The following RPS6KA2 variants were observed in gnomAD, a reference collection of about 807,000 sequenced individuals.
RPS6KA2 encodes the protein ribosomal protein S6 kinase A2, also known as ribosomal protein S6 kinase alpha-2.
In RPS6KA2, 42 loss-of-function variants were observed where a neutral mutation model predicts 91.8. That is an observed-to-expected ratio of 0.46 (90% CI 0.36 to 0.59). RPS6KA2 has a LOEUF of 0.59. RPS6KA2 is among the 20% of genes least tolerant of loss of function. The pLI is 0.00. For missense variants in RPS6KA2, 798 were observed against 978.5 expected, an observed-to-expected ratio of 0.82 and a Z score of 2.46; for synonymous variants, 414 against 393.6, an observed-to-expected ratio of 1.05 and a Z score of -0.61.
At chr6:166,544,721 C>T (rs1583264009) in intron 1 of RPS6KA2, 1 of 152,258 alleles carries the variant, frequency 6.6e-6, no homozygotes, top group South Asian at 2.1e-4. Flanking sequence ...ACTCTGGGGC[C>T]TTCTCTGCCC....
intron 2 of RPS6KA2, among the ~76,000 whole-genome samples, chr6:166,780,855 C>T (rs544066288): frequency 1.3e-3 from 192 of 152,272 alleles, no homozygotes; most frequent in Non-Finnish European, 1.9e-3. Flanking sequence ...TGGACAAGAC[C>T]TTTTAAAAAA....
chr6:166,818,068 T>C (rs1779815732), intron 2 of RPS6KA2, among the ~76,000 whole-genome samples: 1 of 152,160 alleles, frequency 6.6e-6, no homozygotes, highest in Non-Finnish European at 1.5e-5. Flanking sequence ...TGACATTTCA[T>C]CTATCACTAT....
rs115435501 is a variant in RPS6KA2 at position 166,773,849 on chromosome 6, C to T, written c.123+84351G>A. ...AAACTACCGTTGAGATGACATAAAA[C>T]GCTTTGTGCAAATGATCGTCCTCCA... On this transcript the variant is annotated intron_variant, in intron 2 of 21. Transcript: ENST00000503859. 4.8e-3 allele frequency among the ~76,000 whole-genome samples: 737 copies of T among 152,294 alleles called. 3 individuals are homozygous for T. Among genetic ancestry groups the T allele is most frequent in the African/African-American group, 0.017 (701 of 41,562 alleles).
chr6:166,570,500 A>G (rs1164760812), intron 1 of RPS6KA2, among the ~76,000 whole-genome samples: 2 of 152,260 alleles, frequency 1.3e-5, no homozygotes, highest in Admixed American at 1.3e-4. Context: ...ATTGCCACCA[A>G]TACTTAAAAC....
In RPS6KA2 at chr6:166,770,075, T is replaced by C. The variant is rs557365878; in HGVS notation, c.123+88125A>G. Among the ~76,000 whole-genome samples, 1 of 152,278 alleles carries C rather than the reference T, an allele frequency of 6.6e-6. No homozygotes were observed. Among genetic ancestry groups the C allele is most frequent in the South Asian group, 2.1e-4 (1 of 4,826 alleles). On this transcript the variant is annotated intron_variant, in intron 2 of 21. Transcript: ENST00000503859. The surrounding 1 kb of genome is among the most constrained non-coding windows in gnomAD (Gnocchi z 5.1). ...CAGAAACCAACTTCCAATGACCCGTTTGGCACCTACAAGGAGCAGGCCCAT... is the reference window on the plus strand; with the variant it reads ...CAGAAACCAACTTCCAATGACCCGTCTGGCACCTACAAGGAGCAGGCCCAT...
intron 2 of RPS6KA2, among the ~76,000 whole-genome samples, chr6:166,698,630 C>A (rs1332813372): frequency 6.6e-6 from 1 of 152,090 alleles, no homozygotes; most frequent in Non-Finnish European, 1.5e-5. Context: ...GTGATTTTCC[C>A]CAATGATCAA....
In RPS6KA2 at chr6:166,430,551, G is replaced by A. The variant is rs143535940; in HGVS notation, c.1483C>T (p.Leu495=). The stretch of plus-strand genomic sequence containing the variant: ...TATCTCTGCCGGAGGATGCGGTCCA[G>A]GAGCTCCCCACCACGCATCAGCTCC... The part of the protein sequence containing the change: ...VMELMRGGEL[L]DRILRQRYFS... The change falls in exon 16 of 21, where the codon CTG becomes TTG. Residue 495 remains leucine, a synonymous_variant. Coordinates refer to ENST00000265678, the MANE Select transcript of RPS6KA2 (RefSeq NM_021135.6). The A allele has an allele frequency of 1.2e-4, 194 of 1,614,032 alleles. No individual in the cohort carries two copies. The African/African-American group carries it at 2.4e-3, about 20-fold the overall frequency.
chr6:166,433,662 C>T lies in RPS6KA2; in HGVS notation c.1333-1172G>A, dbSNP rs535829923. ...TTTAAAATAGTCTCTATTTGGAGAC[C>T]GTGCAGTCATTTTACTACTAGAATA... On this transcript the variant is annotated intron_variant, in intron 14 of 20. Coordinates refer to ENST00000265678, the MANE Select transcript of RPS6KA2 (RefSeq NM_021135.6). The surrounding 1 kb of genome is among the most constrained non-coding windows in gnomAD (Gnocchi z 4.4). 3.9e-5 allele frequency among the ~76,000 whole-genome samples: 6 copies of T among 152,302 alleles called. No individual in the cohort carries two copies. Among genetic ancestry groups the T allele is most frequent in the East Asian group, 3.9e-4 (2 of 5,190 alleles).
chr6:166,703,349 G>A (rs1383349544), intron 2 of RPS6KA2, among the ~76,000 whole-genome samples: 8 of 152,220 alleles, frequency 5.3e-5, no homozygotes, highest in African/African-American at 1.9e-4. Context: ...TGCATGGGAG[G>A]GGTGCTCGCT....
rs191235161 is a variant in RPS6KA2, at chr6:166,670,290, C to T, written c.124-131506G>A. On this transcript the variant is annotated intron_variant, in intron 2 of 21. Transcript: ENST00000503859. ...TGGTGAGGCTGTAAGCCCTGCAACA[C>T]GCGCATGAGTGAATTTGGGAGTGAT... Among the ~76,000 whole-genome samples, 48 of 152,346 alleles carry T rather than the reference C, an allele frequency of 3.2e-4. No homozygotes were observed. The East Asian group carries it at 6.6e-3, about 21-fold the overall frequency.
chr6:166,462,645 G>A lies in RPS6KA2; in HGVS notation c.973-3094C>T, dbSNP rs114112912. Among the ~76,000 whole-genome samples, 443 of 152,306 alleles carry A rather than the reference G, an allele frequency of 2.9e-3. 4 individuals carry two copies. The highest frequency in any genetic ancestry group is 0.01 in the African/African-American group (418 of 41,558). ...CCTAGCCCGGTGCTGCGAGTCACCT[G>A]GGATGCCCAGTGAGGAGGTCCTAAG... On this transcript the variant is annotated intron_variant, in intron 11 of 20. Transcript: ENST00000265678.
At chr6:166,530,196 A>G (rs1402863663) in intron 3 of RPS6KA2, among the ~76,000 whole-genome samples, 1 of 152,214 alleles carries the variant, frequency 6.6e-6, no homozygotes, top group African/African-American at 2.4e-5. Context: ...TTCACATCTC[A>G]GAGCCTCATG....
At chr6:166,617,879 C>A (rs985297393) in intron 1 of RPS6KA2, among the ~76,000 whole-genome samples, 4 of 152,242 alleles carry the variant, frequency 2.6e-5, no homozygotes, top group African/African-American at 4.8e-5. Context: ...TCCTTCTGCA[C>A]AAGCTTCACC....
At chr6:166,738,822 T>C (rs1341034745) in intron 2 of RPS6KA2, among the ~76,000 whole-genome samples, 1 of 152,210 alleles carries the variant, frequency 6.6e-6, no homozygotes, top group Non-Finnish European at 1.5e-5. Context: ...CAATGGAATC[T>C]GCCACTAAGA....
chr6:166,647,960 TTACA>T (rs1407020797), intron 2 of RPS6KA2, among the ~76,000 whole-genome samples: 19 of 75,896 alleles, frequency 2.5e-4, no homozygotes, highest in African/African-American at 8.6e-4. Flanking sequence ...ATGCACATGC[TTACA>T]TACATACACA....
At chr6:166,685,009 G>A (rs1788961715) in intron 2 of RPS6KA2, among the ~76,000 whole-genome samples, 1 of 152,240 alleles carries the variant, frequency 6.6e-6, no homozygotes, top group African/African-American at 2.4e-5. Context: ...CTTGCAGGAA[G>A]AGGGAGATGT....
chr6:166,735,065 G>A (rs1790638495), intron 2 of RPS6KA2, among the ~76,000 whole-genome samples: 1 of 152,112 alleles, frequency 6.6e-6, no homozygotes, highest in Non-Finnish European at 1.5e-5. Context: ...AGACCATCTT[G>A]GATTAAGTTT....
chr6:166,800,528 C>T (rs1779341294), intron 2 of RPS6KA2, among the ~76,000 whole-genome samples: 1 of 152,192 alleles, frequency 6.6e-6, no homozygotes, highest in Non-Finnish European at 1.5e-5. Context: ...GGCCCTTCCA[C>T]CTCCTGTCAT....
At position 166,781,583 on chromosome 6, in the gene RPS6KA2, G is replaced by A. The variant is rs73266823; in HGVS notation, c.123+76617C>T. ...ATGCATGCACCTAAGTTGGGCAGAT[G>A]TACCTGGAGGGGCTGCTCATGTCCC... On this transcript the variant is annotated intron_variant, in intron 2 of 21. Coordinates refer to the RPS6KA2 transcript ENST00000503859. Among the ~76,000 whole-genome samples, 1,315 of 152,330 alleles carry A rather than the reference G, an allele frequency of 8.6e-3. 28 individuals are homozygous for A. The highest frequency in any genetic ancestry group is 0.03 in the African/African-American group (1,247 of 41,570).
Sources: gnomAD v4.1 joint callset for allele counts (sites outside exome capture counted in the v4.1 genomes callset) on GRCh38, gnomAD v4.1.1 for gene constraint, Gnocchi (gnomAD v3.1) non-coding constraint, MANE v1.5 for transcripts, NCBI Gene and HGNC (gene_info 2026-07-23, HGNC 2026-07-21) for gene names.